The following MGAT4C variants were observed in gnomAD, a reference collection of about 807,000 sequenced individuals.
MGAT4C encodes MGAT4 family member C.
In MGAT4C, 19 loss-of-function variants were observed where a neutral mutation model predicts 40.1. The ratio of observed to expected loss-of-function variants is 0.47; its 90% CI spans 0.33 to 0.70. MGAT4C has a LOEUF of 0.70. MGAT4C is among the 30% of genes least tolerant of loss of function. The pLI is 0.02. For missense variants in MGAT4C, 491 were observed against 563.2 expected, an observed-to-expected ratio of 0.87 and a Z score of 1.30; for synonymous variants, 181 against 187.1, an observed-to-expected ratio of 0.97 and a Z score of 0.27.
At chr12:86,617,601 T>C (rs925610033) in intron 2 of MGAT4C, among the ~76,000 whole-genome samples, 2 of 151,708 alleles carry the variant, frequency 1.3e-5, no homozygotes, top group East Asian at 1.9e-4. Context: ...GGCAGGAGAA[T>C]GGCATGAACC....
At chr12:86,601,466 A>G (rs958535088) in intron 2 of MGAT4C, among the ~76,000 whole-genome samples, 1 of 151,952 alleles carries the variant, frequency 6.6e-6, no homozygotes, top group Admixed American at 6.6e-5. Flanking sequence ...CCTGGGGACT[A>G]CTGCCTGTGG....
intron 2 of MGAT4C, among the ~76,000 whole-genome samples, chr12:86,699,237 A>C (rs533168846): frequency 6.6e-6 from 1 of 152,308 alleles, no homozygotes; most frequent in East Asian, 1.9e-4. Flanking sequence ...ACACAAATTA[A>C]ACAGGATATT....
intron 3 of MGAT4C, among the ~76,000 whole-genome samples, chr12:86,362,037 G>A (rs181083548): frequency 2.6e-5 from 4 of 152,240 alleles, no homozygotes; most frequent in Non-Finnish European, 5.9e-5. Flanking sequence ...ACATGCACAC[G>A]TATATTTATT....
In MGAT4C at chr12:86,706,098, T is replaced by C. The variant is rs186884384; in HGVS notation, c.-229+21111A>G. 2.2e-3 allele frequency among the ~76,000 whole-genome samples: 329 copies of C among 152,222 alleles called. 5 individuals carry two copies. The highest frequency in any genetic ancestry group is 7.6e-3 in the African/African-American group (317 of 41,538). ...ACAAAATGGGAAGACTGAATACTCT[T>C]AGAAAGAGGATTTGTATGATGAAAA... On this transcript the variant is annotated intron_variant, in intron 2 of 7. Transcript: ENST00000548651.
chr12:86,666,971 T>A (rs1964125288), intron 2 of MGAT4C, among the ~76,000 whole-genome samples: 1 of 152,214 alleles, frequency 6.6e-6, no homozygotes, highest in Admixed American at 6.5e-5. Context: ...AATGATTGGT[T>A]ACTTAGTTGG....
intron 1 of MGAT4C, among the ~76,000 whole-genome samples, chr12:86,055,275 C>T (rs994909795): frequency 6.6e-6 from 1 of 151,994 alleles, no homozygotes. Flanking sequence ...TTGAGTGATA[C>T]TAAAATGCCT....
rs551441232 is a variant in MGAT4C, at chr12:86,562,414, C to T, written c.-228-127149G>A. ...GGGAGGATGCTGATGATGCTGGGGG[C>T]GCTGAGCTCCTAAATTCTGAGGAGG... is the stretch of plus-strand genomic sequence containing the variant. On this transcript the variant is annotated intron_variant, in intron 2 of 7. Transcript: ENST00000548651. Among the ~76,000 whole-genome samples, 5 of 152,134 alleles carry T rather than the reference C, an allele frequency of 3.3e-5. No individual in the cohort carries two copies. The East Asian group carries it at 5.8e-4, about 18-fold the overall frequency.
chr12:86,055,486 C>A (rs1235762086), intron 1 of MGAT4C, among the ~76,000 whole-genome samples: 12 of 151,974 alleles, frequency 7.9e-5, no homozygotes, highest in Non-Finnish European at 2.9e-5. Flanking sequence ...AGTCTCTAAA[C>A]CATAAATCAT....
chr12:86,387,545 A>G (rs1956077299), intron 3 of MGAT4C, among the ~76,000 whole-genome samples: 1 of 152,174 alleles, frequency 6.6e-6, no homozygotes, highest in Admixed American at 6.5e-5. Context: ...TCATAAGCTA[A>G]ACATGAAGAA....
At chr12:86,543,144 T>C (rs1299721010) in intron 2 of MGAT4C, among the ~76,000 whole-genome samples, 2 of 151,932 alleles carry the variant, frequency 1.3e-5, no homozygotes, top group Admixed American at 6.6e-5. Context: ...ATTAAGAGCG[T>C]TGATGAGTAA....
intron 2 of MGAT4C, among the ~76,000 whole-genome samples, chr12:86,707,383 G>A (rs1950476911): frequency 6.6e-6 from 1 of 152,132 alleles, no homozygotes; most frequent in Admixed American, 6.5e-5. Context: ...CGGAAAAGAG[G>A]AACTTGTTGG....
At chr12:86,663,009 T>C (rs1419194643) in intron 2 of MGAT4C, among the ~76,000 whole-genome samples, 1 of 152,106 alleles carries the variant, frequency 6.6e-6, no homozygotes, top group African/African-American at 2.4e-5. Flanking sequence ...GTCTTTGACA[T>C]TAGTAAATTC....
At chr12:86,052,710 T>A (rs7969802) in intron 1 of MGAT4C, among the ~76,000 whole-genome samples, 34,964 of 151,768 alleles carry the variant, frequency 0.23, 4,943 homozygotes, top group African/African-American at 0.4. Context: ...AATCATGTAT[T>A]ATTTTCCCTT....
chr12:86,268,375 AAG>A, intron 4 of MGAT4C, among the ~76,000 whole-genome samples: 1 of 152,178 alleles, frequency 6.6e-6, no homozygotes, highest in Admixed American at 6.5e-5. Flanking sequence ...CCCATCACAA[AAG>A]AGTTACTTAC....
chr12:86,767,527 T>G lies in MGAT4C; in HGVS notation c.-261-40286A>C, dbSNP rs560172763. Among the ~76,000 whole-genome samples the G allele has an allele frequency of 2.8e-4, 42 of 152,240 alleles. No individual in the cohort carries two copies. In the South Asian group the frequency reaches 7.0e-3, roughly 26 times the overall value. On this transcript the variant is annotated intron_variant, in intron 1 of 7. Transcript: ENST00000548651. ...CCTAACTCATTTTATGAGGCCAGCA[T>G]CATCCTGATACCAAAGCTGGGCAGA... is the stretch of plus-strand genomic sequence containing the variant.
At chr12:86,191,344 G>A (rs946101736) in intron 1 of MGAT4C, among the ~76,000 whole-genome samples, 2 of 151,854 alleles carry the variant, frequency 1.3e-5, no homozygotes, top group African/African-American at 4.8e-5. Context: ...GTGTGACGTG[G>A]CAAGAAAACT....
chr12:86,737,772 C>A (rs577232535), intron 1 of MGAT4C, among the ~76,000 whole-genome samples: 3 of 151,270 alleles, frequency 2.0e-5, no homozygotes, highest in African/African-American at 7.3e-5. Flanking sequence ...AAAAAACAGA[C>A]TTCCTTTAGT....
intron 1 of MGAT4C, among the ~76,000 whole-genome samples, chr12:86,190,525 C>A (rs1293904343): frequency 1.3e-5 from 2 of 152,058 alleles, no homozygotes; most frequent in African/African-American, 4.8e-5. Context: ...TCAGTCTTTG[C>A]TGACCATTGC....
intron 1 of MGAT4C, among the ~76,000 whole-genome samples, chr12:86,172,490 A>T (rs1886957768): frequency 6.6e-6 from 1 of 152,078 alleles, no homozygotes. Context: ...GGTAAAACTC[A>T]TTTTTTTCTT....
Sources: allele counts gnomAD v4.1 joint callset (sites outside exome capture counted in the v4.1 genomes callset), GRCh38; gene constraint gnomAD v4.1.1; transcripts MANE v1.5; gene names NCBI Gene and HGNC (gene_info 2026-07-23, HGNC 2026-07-21).